IGSF21: variants seen among roughly 807,000 people sequenced by gnomAD.
IGSF21 encodes immunoglobin superfamily member 21, also known as immunoglobulin superfamily member 21.
A neutral mutation model predicts 46.8 loss-of-function variants in IGSF21; 28 were observed. The observed-to-expected ratio is 0.60, with a 90% CI of 0.44 to 0.82. The LOEUF is 0.82. Among genes scored for constraint, IGSF21 ranks in the 40% least tolerant of loss-of-function variants. The pLI is 0.00. For synonymous variants in IGSF21, 284 were observed against 273.6 expected (o/e 1.04, Z -0.38); for missense variants, 624 against 665.5 (o/e 0.94, Z 0.69).
At chr1:18,272,592 C>T (rs758238987) in intron 2 of IGSF21, among the ~76,000 whole-genome samples, 1 of 152,260 alleles carries the variant, frequency 6.6e-6, no homozygotes, top group African/African-American at 2.4e-5. Flanking sequence ...GAAGATCCAT[C>T]ACCCATGTGA....
chr1:18,158,320 T>G (rs1350945126), intron 1 of IGSF21, among the ~76,000 whole-genome samples: 1 of 152,248 alleles, frequency 6.6e-6, no homozygotes, highest in Non-Finnish European at 1.5e-5. Flanking sequence ...TTAGTGTTGC[T>G]GCTGTTAAGT....
intron 1 of IGSF21, among the ~76,000 whole-genome samples, chr1:18,166,727 T>A (rs370530818): frequency 6.6e-6 from 1 of 152,138 alleles, no homozygotes; most frequent in East Asian, 1.9e-4. Flanking sequence ...CAGGGACTCA[T>A]GGTCAGGACC....
At chr1:18,137,101 C>A (rs1165537301) in intron 1 of IGSF21, among the ~76,000 whole-genome samples, 2 of 152,140 alleles carry the variant, frequency 1.3e-5, no homozygotes, top group Non-Finnish European at 2.9e-5. Flanking sequence ...GCACTGGCAT[C>A]TGTTTCTAGG....
rs140409401 is a variant in IGSF21 at position 18,362,169 on chromosome 1, G to T, written c.479G>T (p.Arg160Leu). 1.1e-5 allele frequency: 17 copies of T among 1,613,078 alleles called. No individual in the cohort carries two copies. Among genetic ancestry groups the T allele is most frequent in the South Asian group, 2.2e-5 (2 of 90,686 alleles). ...VAADTPAPFS[R>L]YQAQNFTLVC... Reference sequence around the variant, plus strand: ...GCTGACACACCAGCCCCCTTCAGCCGCTACCAAGCCCAGAACTTCACGCTG... The same window carrying T: ...GCTGACACACCAGCCCCCTTCAGCCTCTACCAAGCCCAGAACTTCACGCTG... The change falls in exon 5 of 10, where the codon CGC becomes CTC. Residue 160 changes from arginine to leucine, a missense_variant. Transcript: ENST00000251296.
intron 3 of IGSF21, among the ~76,000 whole-genome samples, chr1:18,302,476 CT>C (rs1336172420): frequency 2.6e-5 from 4 of 152,196 alleles, no homozygotes; most frequent in Non-Finnish European, 5.9e-5. Flanking sequence ...GGTGGACACT[CT>C]TCTCCTCTTG....
intron 1 of IGSF21, among the ~76,000 whole-genome samples, chr1:18,155,278 C>T (rs1466875488): frequency 6.6e-6 from 1 of 152,144 alleles, no homozygotes; most frequent in Admixed American, 6.5e-5. Flanking sequence ...GAGAGAGCCT[C>T]GCCCCTGCAT....
intron 1 of IGSF21, among the ~76,000 whole-genome samples, chr1:18,194,481 T>C (rs1221076419): frequency 6.6e-6 from 1 of 152,190 alleles, no homozygotes; most frequent in African/African-American, 2.4e-5. Flanking sequence ...AGGAGGATCC[T>C]TTCTGCCTCT....
rs58426436 is a variant in IGSF21 at position 18,148,129 on chromosome 1, C to CTTTT, written c.70+39947_70+39950dup. 2.8e-3 allele frequency among the ~76,000 whole-genome samples: 305 copies of CTTTT among 108,294 alleles called. 6 individuals are homozygous for CTTTT. Among genetic ancestry groups the CTTTT allele is most frequent in the African/African-American group, 6.8e-3 (191 of 27,970 alleles). 71.0% of individuals were successfully genotyped at this position (108,294 alleles called of 152,430 possible). A position where few individuals can be genotyped will look rare whatever the true frequency, so the allele number is the denominator to read the frequency against. ...TAAATTACTCAGTCACAAGTATGTC[C>CTTTT]TTTTTTTTTTTTTTTTTTTGAGATG... On this transcript the variant is annotated intron_variant, in intron 1 of 9. Coordinates refer to ENST00000251296, the MANE Select transcript of IGSF21 (RefSeq NM_032880.5).
intron 4 of IGSF21, among the ~76,000 whole-genome samples, chr1:18,355,829 C>CTTTTTT (rs61589417): frequency 2.2e-5 from 2 of 88,966 alleles, no homozygotes; most frequent in Non-Finnish European, 4.3e-5. Flanking sequence ...TGTCTAGACT[C>CTTTTTT]TTTTTTTTTT....
rs1344241836 is a variant in IGSF21 at position 18,234,136 on chromosome 1, G to A, written c.183+6126G>A. ...TGCTTGGCAGCCACTCATCCTGGCT[G>A]CTCTTTGCTACTCCTCTGACCCCAC... is the stretch of plus-strand genomic sequence containing the variant. On this transcript the variant is annotated intron_variant, in intron 2 of 9. Coordinates refer to ENST00000251296, the MANE Select transcript of IGSF21 (RefSeq NM_032880.5). Among the ~76,000 whole-genome samples, 3 of 152,132 alleles carry A rather than the reference G, an allele frequency of 2.0e-5. No individual in the cohort carries two copies. The East Asian group carries it at 5.8e-4, about 29-fold the overall frequency.
chr1:18,224,758 A>C (rs745407223), intron 1 of IGSF21, among the ~76,000 whole-genome samples: 5 of 152,150 alleles, frequency 3.3e-5, no homozygotes, highest in Non-Finnish European at 7.4e-5. Flanking sequence ...CTTAAAATTC[A>C]TGGATGTTGG....
At chr1:18,215,846 A>T (rs147232887) in intron 1 of IGSF21, among the ~76,000 whole-genome samples, 1 of 152,292 alleles carries the variant, frequency 6.6e-6, no homozygotes, top group Non-Finnish European at 1.5e-5. Flanking sequence ...GCTACAGCAT[A>T]ATCCACATTG....
intron 2 of IGSF21, among the ~76,000 whole-genome samples, chr1:18,237,660 C>A (rs981360921): frequency 5.9e-5 from 9 of 152,178 alleles, no homozygotes; most frequent in African/African-American, 1.9e-4. Context: ...GTTCTCTCAG[C>A]GTTTTGTACA....
In IGSF21 at chr1:18,264,674, G is replaced by T. The variant is rs565614649; in HGVS notation, c.184-27192G>T. Among the ~76,000 whole-genome samples, 6 of 152,316 alleles carry T rather than the reference G, an allele frequency of 3.9e-5. No individual in the cohort carries two copies. The South Asian group carries it at 1.2e-3, about 32-fold the overall frequency. On this transcript the variant is annotated intron_variant, in intron 2 of 9. Coordinates refer to ENST00000251296, the MANE Select transcript of IGSF21 (RefSeq NM_032880.5). ...CATACAGGAGCTATGTCTGCCCCCA[G>T]ACCGGTTGGTGCAAATGTAGCTGAA...
chr1:18,344,922 C>G (rs1025300968), intron 4 of IGSF21, among the ~76,000 whole-genome samples: 1 of 152,194 alleles, frequency 6.6e-6, no homozygotes, highest in South Asian at 2.1e-4. Context: ...TGCTGCTCCA[C>G]AGGGGAAGCG....
At chr1:18,159,534 G>T (rs141891008) in intron 1 of IGSF21, among the ~76,000 whole-genome samples, 84 of 152,282 alleles carry the variant, frequency 5.5e-4, no homozygotes, top group Admixed American at 8.5e-4. Context: ...TTTATAAGGA[G>T]AAAACTCTTT....
At chr1:18,214,517 C>G (rs1017706304) in intron 1 of IGSF21, among the ~76,000 whole-genome samples, 1 of 152,066 alleles carries the variant, frequency 6.6e-6, no homozygotes, top group Non-Finnish European at 1.5e-5. Context: ...TTGAACATAC[C>G]TATTATATTA....
chr1:18,375,634 C>T (rs1466197277), intron 6 of IGSF21, among the ~76,000 whole-genome samples: 1 of 152,178 alleles, frequency 6.6e-6, no homozygotes, highest in Admixed American at 6.5e-5. Context: ...GTCTTTCTTC[C>T]CACACCATGT....
rs753403953 is a variant in IGSF21 at position 18,116,411 on chromosome 1, A to G, written c.70+8213A>G. On this transcript the variant is annotated intron_variant, in intron 1 of 9. Transcript: ENST00000251296. ...CTAACAAAGTATCCTTGGGCAAGAC[A>G]CTCGCTGTCTGAGTCATAGTTTCCC... Among the ~76,000 whole-genome samples the G allele has an allele frequency of 3.7e-4, 57 of 152,196 alleles. 1 individual carries two copies. The highest frequency in any genetic ancestry group is 4.7e-4 in the Non-Finnish European group (32 of 68,006).
Sources: gnomAD v4.1 joint callset for allele counts (sites outside exome capture counted in the v4.1 genomes callset) on GRCh38, gnomAD v4.1.1 for gene constraint, MANE v1.5 for transcripts, NCBI Gene and HGNC (gene_info 2026-07-23, HGNC 2026-07-21) for gene names.